The following GABPB2 variants were observed in gnomAD, a reference collection of about 807,000 sequenced individuals.
GABPB2 encodes GA-binding protein subunit beta-2.
In GABPB2, 23 loss-of-function variants were observed where a neutral mutation model predicts 39.1. The ratio of observed to expected loss-of-function variants is 0.59; its 90% confidence interval spans 0.42 to 0.83. GABPB2 has a LOEUF of 0.83. Among genes scored for constraint, GABPB2 ranks in the 40% least tolerant of loss-of-function variants. The pLI, the probability that GABPB2 is intolerant of heterozygous loss-of-function variation, is 0.00. For missense variants in GABPB2, 467 were observed against 541.1 expected, an observed-to-expected ratio of 0.86 and a Z score of 1.36; for synonymous variants, 184 against 199.3, an observed-to-expected ratio of 0.92 and a Z score of 0.65.
At chr1:151,077,711 G>A (rs1444948476) in intron 1 of GABPB2, among the ~76,000 whole-genome samples, 4 of 151,838 alleles carry the variant, frequency 2.6e-5, no homozygotes, top group Non-Finnish European at 5.9e-5. Flanking sequence ...CCAGCACTTT[G>A]GGAAACCGAG....
intron 2 of GABPB2, 119 bp from the exon 3 acceptor site, chr1:151,090,287 C>T: frequency 1.0e-6 from 1 of 972,800 alleles, no homozygotes; most frequent in Non-Finnish European, 1.5e-6. Flanking sequence ...TCAGTTTTAT[C>T]TGCCCAACCA....
chr1:151,090,861 G>A (rs1678621226), intron 3 of GABPB2, among the ~76,000 whole-genome samples: 1 of 151,626 alleles, frequency 6.6e-6, no homozygotes, highest in African/African-American at 2.4e-5. Flanking sequence ...AGCAGGACGT[G>A]GTGGTGCGCG....
intron 7 of GABPB2, among the ~76,000 whole-genome samples, chr1:151,110,153 C>T (rs1002815832): frequency 6.6e-6 from 1 of 151,176 alleles, no homozygotes; most frequent in Non-Finnish European, 1.5e-5. Flanking sequence ...TGAGTCACGA[C>T]CCCTGGTCTT....
intron 1 of GABPB2, among the ~76,000 whole-genome samples, chr1:151,074,598 C>A (rs192154232): frequency 6.6e-6 from 1 of 151,762 alleles, no homozygotes; most frequent in Non-Finnish European, 1.5e-5. Context: ...GGATTACAGG[C>A]GTGAGCCACC....
chr1:151,116,764 T>C (rs896908965), intron 7 of GABPB2, among the ~76,000 whole-genome samples: 1 of 152,040 alleles, frequency 6.6e-6, no homozygotes, highest in South Asian at 2.1e-4. Flanking sequence ...TGCTCCACCA[T>C]GCCTGGCTAA....
chr1:151,109,367 T>A lies in GABPB2; in HGVS notation c.922+2145T>A, dbSNP rs1184370601. Among the ~76,000 whole-genome samples, 715 of 135,162 alleles carry A rather than the reference T, an allele frequency of 5.3e-3. 3 individuals carry two copies. The highest frequency in any genetic ancestry group is 0.021 in the African/African-American group (657 of 30,818). 88.7% of individuals were successfully genotyped at this position (135,162 alleles called of 152,430 possible). ...AAATATATATATATATATATATATT[T>A]TTTTTTTTGAGTCAGAATCTTGCTC... On this transcript the variant is annotated intron_variant, in intron 7 of 8. Coordinates refer to ENST00000368918, the MANE Select transcript of GABPB2 (RefSeq NM_144618.3).
At chr1:151,105,366 T>TTA (rs966087994) in intron 6 of GABPB2, among the ~76,000 whole-genome samples, 12 of 150,124 alleles carry the variant, frequency 8.0e-5, no homozygotes, top group South Asian at 2.1e-4. Context: ...GTTGGCTATT[T>TTA]TATATATATA....
chr1:151,096,487 A>AT lies in GABPB2; in HGVS notation c.472-1356dup, dbSNP rs906511290. Reference sequence around the variant, plus strand: ...AAGCCATTTCTGCTGCATTTTCAGTATTTTTTTTTAATTGACAGGTGGTCT... The same window carrying AT: ...AAGCCATTTCTGCTGCATTTTCAGTATTTTTTTTTTAATTGACAGGTGGTCT... On this transcript the variant is annotated intron_variant, in intron 4 of 8. Transcript: ENST00000368918. Among the ~76,000 whole-genome samples the AT allele has an allele frequency of 8.6e-5, 13 of 151,444 alleles. 1 individual carries two copies. Among genetic ancestry groups the AT allele is most frequent in the African/African-American group, 1.7e-4 (7 of 41,372 alleles).
chr1:151,092,424 TA>T (rs891573820), intron 3 of GABPB2, among the ~76,000 whole-genome samples: 17 of 148,788 alleles, frequency 1.1e-4, no homozygotes, highest in South Asian at 4.2e-4. Context: ...AAATCATATT[TA>T]AAAAAAAAAT....
At chr1:151,085,311 C>T (rs142849800) in intron 1 of GABPB2, among the ~76,000 whole-genome samples, 7,285 of 151,662 alleles carry the variant, frequency 0.048, 288 homozygotes, top group African/African-American at 0.1. Flanking sequence ...GCAGGAGAAT[C>T]GCTTGTACCT....
chr1:151,082,561 C>A (rs1376949962), intron 1 of GABPB2, among the ~76,000 whole-genome samples: 2 of 151,126 alleles, frequency 1.3e-5, no homozygotes, highest in Admixed American at 6.6e-5. Flanking sequence ...CACCACCATG[C>A]CCAGCTAATT....
chr1:151,097,751 C>T, intron 4 of GABPB2, 101 bp from the exon 5 acceptor site: 1 of 1,197,104 alleles, frequency 8.4e-7, no homozygotes, highest in Non-Finnish European at 1.2e-6. Flanking sequence ...TGCACTCCAG[C>T]CTGGGTGGCA....
chr1:151,103,428 A>G (rs587683946), intron 5 of GABPB2, 134 bp from the exon 6 acceptor site: 12 of 571,352 alleles, frequency 2.1e-5, no homozygotes, highest in Non-Finnish European at 3.1e-5. Context: ...TAATTGGCTT[A>G]TATCAGTTTG....
intron 1 of GABPB2, among the ~76,000 whole-genome samples, chr1:151,080,215 CAAAA>C (rs57351502): frequency 2.0e-4 from 6 of 29,970 alleles, no homozygotes; most frequent in African/African-American, 3.2e-4. Flanking sequence ...AACTCCATCT[CAAAA>C]AAAAAAAAAA....
chr1:151,071,314 G>A (rs1357170100), intron 1 of GABPB2, among the ~76,000 whole-genome samples: 1 of 152,178 alleles, frequency 6.6e-6, no homozygotes, highest in Admixed American at 6.5e-5. Context: ...ACAGACATTG[G>A]TGTGAGGAAC....
At chr1:151,074,270 C>T (rs587724507) in intron 1 of GABPB2, among the ~76,000 whole-genome samples, 58 of 147,440 alleles carry the variant, frequency 3.9e-4, no homozygotes, top group African/African-American at 8.2e-4. Flanking sequence ...CCACCGCGCC[C>T]GGCTGGTTAT....
intron 3 of GABPB2, among the ~76,000 whole-genome samples, chr1:151,092,756 G>A (rs1678822524): frequency 1.3e-5 from 2 of 152,048 alleles, no homozygotes; most frequent in African/African-American, 4.8e-5. Context: ...TGAATTTTTT[G>A]TAGAGGCATG....
intron 6 of GABPB2, among the ~76,000 whole-genome samples, chr1:151,104,902 CTCTTTCTT>C (rs1249204663): frequency 2.0e-5 from 3 of 149,418 alleles, no homozygotes; most frequent in African/African-American, 4.9e-5. Flanking sequence ...CTCTCTTTCT[CTCTTTCTT>C]TCTTTCCTTC....
intron 3 of GABPB2, among the ~76,000 whole-genome samples, chr1:151,092,694 C>T (rs1678818583): frequency 6.6e-6 from 1 of 151,938 alleles, no homozygotes; most frequent in African/African-American, 2.4e-5. Flanking sequence ...CTACCTCAGC[C>T]TCCCCTTTAG....
Sources: gnomAD v4.1 joint callset for allele counts (sites outside exome capture counted in the v4.1 genomes callset) on GRCh38, gnomAD v4.1.1 for gene constraint, MANE v1.5 for transcripts, NCBI Gene and HGNC (gene_info 2026-07-23, HGNC 2026-07-21) for gene names.